Variants in PCF11 observed in about 807,000 individuals in gnomAD.
PCF11 encodes pre-mRNA cleavage complex 2 protein Pcf11.
A neutral mutation model predicts 166.1 loss-of-function variants in PCF11; 19 were observed. The ratio of observed to expected loss-of-function variants is 0.11; its 90% CI spans 0.08 to 0.17. The LOEUF (loss-of-function observed/expected upper bound fraction) is 0.17, where lower values mean the gene tolerates loss of function less well. Among genes scored for constraint, PCF11 ranks in the 10% least tolerant of loss-of-function variants. The probability of loss-of-function intolerance (pLI) is 1.00; values close to 1 mark genes in which losing one functional copy is unlikely to be tolerated. For missense variants in PCF11, 1,565 were observed against 1,855.5 expected (o/e 0.84, Z 2.88); for synonymous variants, 663 against 644.1 (o/e 1.03, Z -0.44).
intron 9 of PCF11, 125 bp downstream of exon 9, chr11:83,172,039 C>G (rs1860708485): frequency 3.2e-6 from 2 of 618,950 alleles, no homozygotes; most frequent in Admixed American, 6.0e-5. Flanking sequence ...GAAATTTAAT[C>G]TGGCTGACAT....
At position 83,184,863 on chromosome 11, in the gene PCF11, A is replaced by G. The variant is rs1284860317; in HGVS notation, c.4637A>G (p.Lys1546Arg). ...AGCATAGCAACACCCTCTGAAATTA[A>G]AACAGAAAATGACACAGTCGAGTCA... is the stretch of plus-strand genomic sequence containing the variant. The change falls in exon 16 of 16, where the codon AAA (lysine) becomes AGA (arginine). Residue 1546 changes from lysine to arginine, a missense_variant. Around this residue, in one of 12 missense-constraint regions of PCF11, gnomAD observed 99 missense variants for 89.1 expected, o/e 1.11. Coordinates refer to ENST00000298281, the Ensembl canonical transcript of PCF11. The G allele has an allele frequency of 2.5e-6, 4 of 1,572,642 alleles. No homozygotes were observed. In the East Asian group the frequency reaches 9.0e-5, roughly 35 times the overall value.
chr11:83,184,513 A>T, intron 15 of PCF11, 166 bp from the exon 16 acceptor site: 1 of 604,812 alleles, frequency 1.7e-6, no homozygotes, highest in Non-Finnish European at 2.9e-6. Flanking sequence ...TATATATTTT[A>T]TTTCTGGTTG....
At chr11:83,157,343 A>G (rs1003721580) in exon 1 of PCF11, 44 of 1,120,290 alleles carry the variant, frequency 3.9e-5, no homozygotes, top group Non-Finnish European at 5.4e-5. Flanking sequence ...GAGCCGCGAG[A>G]GAGCCGGGGA....
chr11:83,173,094 C>T (rs569353519), intron 9 of PCF11, among the ~76,000 whole-genome samples: 11 of 152,212 alleles, frequency 7.2e-5, no homozygotes, highest in Non-Finnish European at 1.3e-4. Context: ...GGAATCTCTA[C>T]TATGTTACTT....
chr11:83,164,209 C>T (rs780581736), exon 4 of PCF11: 3 of 1,603,374 alleles, frequency 1.9e-6, no homozygotes, highest in Admixed American at 1.7e-5. Flanking sequence ...TCTTATAGCC[C>T]GAGGAGCCTT....
At chr11:83,160,298 G>A (rs1177603742) in intron 1 of PCF11, among the ~76,000 whole-genome samples, 2 of 148,322 alleles carry the variant, frequency 1.3e-5, no homozygotes, top group South Asian at 2.1e-4. Flanking sequence ...TACACGTGGG[G>A]TGGGTAAATG....
At chr11:83,164,131 T>A in intron 3 of PCF11, 76 bp from the exon 4 acceptor site, 1 of 981,180 alleles carries the variant, frequency 1.0e-6, no homozygotes, top group Non-Finnish European at 1.5e-6. Flanking sequence ...TATTAAGAGT[T>A]AAGCTGATAA....
chr11:83,186,681 A>C (rs543385081), exon 16 of PCF11: 16 of 152,390 alleles, frequency 1.0e-4, no homozygotes, highest in African/African-American at 3.4e-4. Flanking sequence ...TCAAGTGAAT[A>C]CAATTTTAGA....
chr11:83,165,825 G>T (rs1292252293), exon 5 of PCF11: 1 of 1,609,880 alleles, frequency 6.2e-7, no homozygotes, highest in South Asian at 1.1e-5. Context: ...TCATGGAAAA[G>T]ATCAGAGTCA....
At chr11:83,162,836 A>G (rs1316892557) in intron 2 of PCF11, among the ~76,000 whole-genome samples, 1 of 152,130 alleles carries the variant, frequency 6.6e-6, no homozygotes, top group Non-Finnish European at 1.5e-5. Context: ...GTGCAATGGC[A>G]CAATCTCGGC....
chr11:83,169,192 G>A (rs1212114711), exon 8 of PCF11: 15 of 1,613,204 alleles, frequency 9.3e-6, no homozygotes, highest in Non-Finnish European at 1.0e-5. Flanking sequence ...GCAAGGGGTT[G>A]GAATGAGGTT....
intron 8 of PCF11, among the ~76,000 whole-genome samples, chr11:83,170,719 A>G (rs1565157311): frequency 6.6e-6 from 1 of 152,172 alleles, no homozygotes; most frequent in Non-Finnish European, 1.5e-5. Flanking sequence ...TGCGTGCTGA[A>G]ATTCTCCTAG....
In PCF11 at chr11:83,183,030, T is replaced by C; in HGVS notation, c.4417-8T>C. The C allele has an allele frequency of 7.1e-7, 1 of 1,413,342 alleles. No individual in the cohort carries two copies. The allele number at this position is 1,413,342 out of a possible 1,614,324, so 87.6% of individuals were successfully genotyped here. A position where few individuals can be genotyped will look rare whatever the true frequency, so the allele number is the denominator to read the frequency against. ...CGCACATATTTACTTTTTTTCTTTT[T>C]GCTTCAGATTTATCATCCATCATGT... is the stretch of plus-strand genomic sequence containing the variant. On this transcript the variant is annotated splice_region_variant and splice_polypyrimidine_tract_variant and intron_variant, in intron 14 of 15. Transcript: ENST00000298281.
chr11:83,157,335 G>A (rs1422797796), exon 1 of PCF11: 3 of 1,053,788 alleles, frequency 2.8e-6, no homozygotes, highest in South Asian at 3.0e-5. Context: ...TGAAGCCGGA[G>A]CCGCGAGAGA....
exon 16 of PCF11, chr11:83,186,442 G>C (rs1042631098): frequency 6.6e-6 from 1 of 152,274 alleles, no homozygotes; most frequent in Non-Finnish European, 1.5e-5. Context: ...TCACTACGTA[G>C]TCCAGGCTGG....
At chr11:83,162,266 A>G (rs1049599142) in intron 2 of PCF11, among the ~76,000 whole-genome samples, 1 of 152,200 alleles carries the variant, frequency 6.6e-6, no homozygotes, top group Admixed American at 6.5e-5. Flanking sequence ...TAGTTATTAT[A>G]TTTTAGTAGA....
chr11:83,179,628 G>T (rs975561883), intron 11 of PCF11, among the ~76,000 whole-genome samples: 1 of 152,104 alleles, frequency 6.6e-6, no homozygotes, highest in African/African-American at 2.4e-5. Flanking sequence ...TTTAGGCTGG[G>T]CGCAGTGGCT....
At position 83,157,720 on chromosome 11, in the gene PCF11, G is replaced by A. The variant is rs556190412; in HGVS notation, c.192+89G>A. The A allele has an allele frequency of 2.8e-5, 34 of 1,214,388 alleles. 1 individual carries two copies. The highest frequency in any genetic ancestry group is 4.1e-5 in the Non-Finnish European group (34 of 830,036). The allele number at this position is 1,214,388 out of a possible 1,614,324, so 75.2% of individuals were successfully genotyped here. On this transcript the variant is annotated intron_variant, in intron 1 of 15. Coordinates refer to ENST00000298281, the Ensembl canonical transcript of PCF11. ...TCCCAGGTCTCGCTTCCATCCCAAG[G>A]GGGACAGTGTTCCTTCTCTCCAACC...
At position 83,167,985 on chromosome 11, in the gene PCF11, G is replaced by A; in HGVS notation, c.2093-443G>A. ...AAGCTAAGTGGGGATGGATTTTTGTGACTGTTCAGATTACCATTTTTTTTC... is the reference window on the plus strand; with the variant it reads ...AAGCTAAGTGGGGATGGATTTTTGTAACTGTTCAGATTACCATTTTTTTTC... On this transcript the variant is annotated intron_variant, in intron 7 of 15. Coordinates refer to ENST00000298281, the Ensembl canonical transcript of PCF11. The surrounding 1 kb of genome is among the most constrained non-coding windows in gnomAD (Gnocchi z 4.2). 9.7e-7 allele frequency: 1 copy of A among 1,030,910 alleles called. No homozygotes were observed. Among genetic ancestry groups the A allele is most frequent in the African/African-American group, 1.7e-5 (1 of 59,648 alleles). 63.9% of individuals were successfully genotyped at this position (1,030,910 alleles called of 1,614,324 possible).
Sources: allele counts gnomAD v4.1 joint callset (sites outside exome capture counted in the v4.1 genomes callset), GRCh38; gene constraint gnomAD v4.1.1; regional missense constraint gnomAD v4.1.1; non-coding constraint Gnocchi (gnomAD v3.1); transcripts MANE v1.5; gene names NCBI Gene and HGNC (gene_info 2026-07-23, HGNC 2026-07-21).